The following C8orf34 variants were observed in gnomAD, a reference collection of about 807,000 sequenced individuals.
C8orf34 encodes the protein chromosome 8 open reading frame 34.
C8orf34 carries 65 observed loss-of-function variants against 68.3 expected under a neutral mutation model. The ratio of observed to expected loss-of-function variants is 0.95; its 90% CI spans 0.78 to 1.17. C8orf34 has a LOEUF of 1.17. Ranked by LOEUF, C8orf34 falls within the 50% of genes most tolerant of loss-of-function variation. The pLI, the probability that C8orf34 is intolerant of heterozygous loss-of-function variation, is 0.00. For synonymous variants in C8orf34, 244 were observed against 241.2 expected, an observed-to-expected ratio of 1.01 and a Z score of -0.11; for missense variants, 664 against 655.4, an observed-to-expected ratio of 1.01 and a Z score of -0.14.
chr8:68,750,153 A>C (rs2129527594), intron 10 of C8orf34, among the ~76,000 whole-genome samples: 1 of 152,320 alleles, frequency 6.6e-6, no homozygotes, highest in South Asian at 2.1e-4. Flanking sequence ...CAGGTATTTG[A>C]GGAAAAACCT....
chr8:68,383,666 G>T (rs765012581), intron 1 of C8orf34, among the ~76,000 whole-genome samples: 2 of 152,222 alleles, frequency 1.3e-5, no homozygotes, highest in East Asian at 3.9e-4. Flanking sequence ...GTGCAATAGT[G>T]CACCCTTCTG....
At position 68,330,986 on chromosome 8, in the gene C8orf34, G is replaced by A. The variant is rs1268210582; in HGVS notation, c.-27G>A. 27 of 1,377,452 alleles carry A rather than the reference G, an allele frequency of 2.0e-5. No homozygotes were observed. The highest frequency in any genetic ancestry group is 2.4e-5 in the Non-Finnish European group (26 of 1,073,240). 85.3% of individuals were successfully genotyped at this position (1,377,452 alleles called of 1,614,324 possible). On this transcript the variant is annotated 5_prime_UTR_variant, in exon 1 of 14. The change creates a new upstream start codon in the 5' untranslated region. Transcript: ENST00000518698. The stretch of plus-strand genomic sequence containing the variant: ...CCGGGCGCTGCGGAGAGCGGCGAGG[G>A]TGGGCGCGAGGCGGAGAACGCGATG...
At chr8:68,778,470 A>G (rs1439771618) in intron 11 of C8orf34, among the ~76,000 whole-genome samples, 1 of 152,110 alleles carries the variant, frequency 6.6e-6, no homozygotes, top group African/African-American at 2.4e-5. Context: ...TCATAACCAC[A>G]TGCAATTAGA....
At chr8:68,507,828 T>C (rs763500108) in intron 5 of C8orf34, among the ~76,000 whole-genome samples, 3 of 152,244 alleles carry the variant, frequency 2.0e-5, no homozygotes, top group Non-Finnish European at 4.4e-5. Context: ...GTTTGATTCC[T>C]CTCTTCTTCT....
chr8:68,446,729 T>A (rs1453621282), intron 3 of C8orf34: 1 of 404,234 alleles, frequency 2.5e-6, no homozygotes, highest in African/African-American at 2.1e-5. Flanking sequence ...AGCGGGTCTC[T>A]TGTTTCTCAT....
At chr8:68,507,570 A>T (rs1173025787) in intron 5 of C8orf34, among the ~76,000 whole-genome samples, 1 of 152,062 alleles carries the variant, frequency 6.6e-6, no homozygotes, top group Admixed American at 6.5e-5. Context: ...GTCTCCATTT[A>T]TTGTTCTCCG....
intron 5 of C8orf34, among the ~76,000 whole-genome samples, chr8:68,512,409 C>G (rs546995873): frequency 6.6e-6 from 1 of 152,180 alleles, no homozygotes; most frequent in African/African-American, 2.4e-5. Context: ...TTCAGGGGCC[C>G]TTTGAACCAT....
At chr8:68,585,656 T>C (rs989239392) in intron 7 of C8orf34, among the ~76,000 whole-genome samples, 37 of 152,146 alleles carry the variant, frequency 2.4e-4, no homozygotes, top group African/African-American at 8.4e-4. Flanking sequence ...TTGCAGTCAG[T>C]GGGTCAGCCA....
chr8:68,599,142 G>A (rs955343742), intron 7 of C8orf34, among the ~76,000 whole-genome samples: 10 of 151,834 alleles, frequency 6.6e-5, no homozygotes, highest in African/African-American at 1.9e-4. Flanking sequence ...ACTTAACATA[G>A]CATTAAAGAC....
chr8:68,790,912 A>T (rs978361029), intron 12 of C8orf34: 1 of 698,008 alleles, frequency 1.4e-6, no homozygotes, highest in Non-Finnish European at 2.6e-6. Context: ...AACTAGAAGA[A>T]AAATTTCAAT....
rs1208662724 is a variant in C8orf34 at position 68,394,082 on chromosome 8, A to C, written c.328-45417A>C. Among the ~76,000 whole-genome samples, 5 of 122,898 alleles carry C rather than the reference A, an allele frequency of 4.1e-5. No individual in the cohort carries two copies. In the East Asian group the frequency reaches 1.1e-3, roughly 28 times the overall value. The allele number at this position is 122,898 out of a possible 152,430, so 80.6% of individuals were successfully genotyped here. ...AGGCAGCAAAATTGAGTGGGTAGGCATGCCATTTTTTTTTTATTATTATAC... is the reference window on the plus strand; with the variant it reads ...AGGCAGCAAAATTGAGTGGGTAGGCCTGCCATTTTTTTTTTATTATTATAC... On this transcript the variant is annotated intron_variant, in intron 1 of 13. Coordinates refer to ENST00000518698, the MANE Select transcript of C8orf34 (RefSeq NM_052958.4).
intron 1 of C8orf34, among the ~76,000 whole-genome samples, chr8:68,374,112 G>A (rs576550438): frequency 1.9e-4 from 29 of 152,108 alleles, no homozygotes; most frequent in Admixed American, 9.2e-4. Context: ...ATGCAGTCTC[G>A]CTATTTTTCC....
At chr8:68,491,991 T>A (rs1016097623) in intron 5 of C8orf34, among the ~76,000 whole-genome samples, 3 of 152,060 alleles carry the variant, frequency 2.0e-5, no homozygotes, top group Non-Finnish European at 1.5e-5. Flanking sequence ...CTGCTATGAG[T>A]GTTGGGTGTT....
chr8:68,475,273 C>G lies in C8orf34; in HGVS notation c.736+6453C>G, dbSNP rs190319029. ...GCTGTCCTCTTCTGGGGTAGATTTG[C>G]ATCCCCTCTCTTTGTGCTTCTATAC... On this transcript the variant is annotated intron_variant, in intron 4 of 13. Transcript: ENST00000518698. Among the ~76,000 whole-genome samples the G allele has an allele frequency of 8.8e-4, 134 of 152,320 alleles. 1 individual carries two copies. Among genetic ancestry groups the G allele is most frequent in the African/African-American group, 3.2e-3 (131 of 41,576 alleles).
At chr8:68,373,518 C>T (rs1223753056) in intron 1 of C8orf34, among the ~76,000 whole-genome samples, 4 of 152,140 alleles carry the variant, frequency 2.6e-5, no homozygotes, top group Non-Finnish European at 5.9e-5. Context: ...TATGTAGAGC[C>T]TCATATTTAA....
Position 68,582,196 on chromosome 8 carries a change from A to G in C8orf34, c.1105+49047A>G, listed in dbSNP as rs1366859687. Among the ~76,000 whole-genome samples the G allele has an allele frequency of 2.0e-5, 3 of 152,294 alleles. No individual in the cohort carries two copies. The East Asian group carries it at 5.8e-4, about 30-fold the overall frequency. Reference sequence around the variant, plus strand: ...AAACTTCATTTGTATGGTTAGACTCAATGAAGAACGGAGAGCTATGTAGAA... The same window carrying G: ...AAACTTCATTTGTATGGTTAGACTCGATGAAGAACGGAGAGCTATGTAGAA... On this transcript the variant is annotated intron_variant, in intron 7 of 13. Coordinates refer to ENST00000518698, the MANE Select transcript of C8orf34 (RefSeq NM_052958.4).
At chr8:68,497,847 G>T (rs190808861) in intron 5 of C8orf34, among the ~76,000 whole-genome samples, 84 of 152,026 alleles carry the variant, frequency 5.5e-4, no homozygotes, top group African/African-American at 2.0e-3. Context: ...GAGATGGGGG[G>T]AATGGAGTTT....
At chr8:68,786,588 T>G (rs1334991655) in intron 11 of C8orf34, among the ~76,000 whole-genome samples, 3 of 151,536 alleles carry the variant, frequency 2.0e-5, no homozygotes, top group Non-Finnish European at 4.4e-5. Context: ...GGAAGAGGAG[T>G]GTTAATGTTT....
chr8:68,511,796 G>T (rs966264634), intron 5 of C8orf34, among the ~76,000 whole-genome samples: 1 of 152,122 alleles, frequency 6.6e-6, no homozygotes, highest in Non-Finnish European at 1.5e-5. Flanking sequence ...AATTTTGTTT[G>T]TAAGAGTATA....
Sources: allele counts gnomAD v4.1 joint callset (sites outside exome capture counted in the v4.1 genomes callset), GRCh38; gene constraint gnomAD v4.1.1; transcripts MANE v1.5; gene names NCBI Gene and HGNC (gene_info 2026-07-23, HGNC 2026-07-21).